MRTFA: variants seen among roughly 807,000 people sequenced by gnomAD.
The protein encoded by MRTFA is myocardin related transcription factor A, also known as myocardin-related transcription factor A.
MRTFA carries 20 observed loss-of-function variants against 83.5 expected under a neutral mutation model. The observed-to-expected ratio is 0.24, with a 90% CI of 0.17 to 0.35. MRTFA has a LOEUF of 0.35. Among genes scored for constraint, MRTFA ranks in the 10% least tolerant of loss-of-function variants. The pLI is 1.00. For synonymous variants in MRTFA, 659 were observed against 541.2 expected (o/e 1.22, Z -3.02); for missense variants, 1,200 against 1,224.7 (o/e 0.98, Z 0.30).
intron 1 of MRTFA, among the ~76,000 whole-genome samples, chr22:40,633,400 C>T (rs1181529518): frequency 6.6e-6 from 1 of 152,124 alleles, no homozygotes; most frequent in Non-Finnish European, 1.5e-5. Context: ...AGTGTTTTCT[C>T]GAAATATAAT....
chr22:40,554,597 A>G (rs563064475), intron 2 of MRTFA, among the ~76,000 whole-genome samples: 3 of 152,286 alleles, frequency 2.0e-5, no homozygotes, highest in South Asian at 4.1e-4. Flanking sequence ...TGGAACTGTG[A>G]GTCAATTAAA....
At chr22:40,621,182 TAAAA>T (rs764914497) in intron 1 of MRTFA, among the ~76,000 whole-genome samples, 1 of 132,978 alleles carries the variant, frequency 7.5e-6, no homozygotes, top group Non-Finnish European at 1.6e-5. Flanking sequence ...ACTCTGTCTT[TAAAA>T]AAAAAAAAAA....
At chr22:40,535,343 T>G (rs1255155441) in intron 3 of MRTFA, among the ~76,000 whole-genome samples, 1 of 93,750 alleles carries the variant, frequency 1.1e-5, no homozygotes, top group East Asian at 3.0e-4. Context: ...TGTGAGAGGT[T>G]TTTTCTTTTT....
At chr22:40,472,532 T>A (rs904052702) in intron 3 of MRTFA, among the ~76,000 whole-genome samples, 6 of 152,366 alleles carry the variant, frequency 3.9e-5, no homozygotes, top group Non-Finnish European at 2.9e-5. Context: ...TGATCATTTT[T>A]AATATTTTTT....
intron 4 of MRTFA, among the ~76,000 whole-genome samples, chr22:40,462,343 T>C (rs2053729666): frequency 1.3e-5 from 2 of 152,130 alleles, no homozygotes. Context: ...AATGAATGAA[T>C]GAATGAATGA....
At chr22:40,427,477 A>T (rs989231501) in intron 7 of MRTFA, among the ~76,000 whole-genome samples, 10 of 152,170 alleles carry the variant, frequency 6.6e-5, no homozygotes, top group Admixed American at 1.3e-4. Flanking sequence ...CTCATGTTAG[A>T]GGAAACCCTG....
chr22:40,578,285 A>G (rs1037143548), intron 2 of MRTFA, among the ~76,000 whole-genome samples: 6 of 151,706 alleles, frequency 4.0e-5, no homozygotes, highest in Non-Finnish European at 8.8e-5. Context: ...AACACTACTC[A>G]CTCCCACCCA....
intron 5 of MRTFA, among the ~76,000 whole-genome samples, chr22:40,435,248 A>T (rs1179231289): frequency 6.6e-6 from 1 of 152,218 alleles, no homozygotes. Flanking sequence ...CCATATCCTT[A>T]AATGTACAAA....
intron 3 of MRTFA, among the ~76,000 whole-genome samples, chr22:40,496,294 G>C (rs1335006240): frequency 6.6e-6 from 1 of 151,342 alleles, no homozygotes; most frequent in African/African-American, 2.4e-5. Flanking sequence ...CATTCTATAA[G>C]CACTCAGTAA....
intron 1 of MRTFA, among the ~76,000 whole-genome samples, chr22:40,621,279 C>T (rs889621465): frequency 2.0e-4 from 31 of 152,062 alleles, no homozygotes; most frequent in African/African-American, 7.2e-4. Flanking sequence ...TTTACTCTTT[C>T]AGCCGTAAAA....
intron 1 of MRTFA, among the ~76,000 whole-genome samples, chr22:40,622,177 C>T (rs546379050): frequency 6.6e-6 from 1 of 152,220 alleles, no homozygotes; most frequent in East Asian, 1.9e-4. Context: ...TCTTTGCAGG[C>T]ATGATTAAAT....
chr22:40,549,549 C>A (rs192848884), intron 3 of MRTFA, among the ~76,000 whole-genome samples: 34 of 152,206 alleles, frequency 2.2e-4, no homozygotes, highest in African/African-American at 8.2e-4. Context: ...TTCCTTTGAG[C>A]AAGGGGAAGG....
chr22:40,623,574 C>T (rs1026127896), intron 1 of MRTFA, among the ~76,000 whole-genome samples: 3 of 151,398 alleles, frequency 2.0e-5, no homozygotes, highest in East Asian at 3.9e-4. Context: ...CTATACTTCA[C>T]GCCTGGCACT....
chr22:40,607,220 C>T (rs1602488937), intron 1 of MRTFA, among the ~76,000 whole-genome samples: 1 of 152,120 alleles, frequency 6.6e-6, no homozygotes, highest in African/African-American at 2.4e-5. Context: ...AACAGGTACA[C>T]AAGGCCGGGT....
rs748685126 is a variant in MRTFA, at chr22:40,411,263, G to A, written c.*127C>T. ...TTCTCTGTTCTAGCCTCCCAGGGAA[G>A]GGAAAAAGCAGGGGCTGTGATTGTC... is the stretch of plus-strand genomic sequence containing the variant. On this transcript the variant is annotated 3_prime_UTR_variant, in exon 15 of 15. Transcript: ENST00000355630. 9.4e-7 allele frequency: 1 copy of A among 1,061,640 alleles called. No individual in the cohort carries two copies. The highest frequency in any genetic ancestry group is 1.3e-6 in the Non-Finnish European group (1 of 751,278). The allele number at this position is 1,061,640 out of a possible 1,614,324, so 65.8% of individuals were successfully genotyped here. A position where few individuals can be genotyped will look rare whatever the true frequency, so the allele number is the denominator to read the frequency against.
At chr22:40,626,819 C>T (rs568760173) in intron 1 of MRTFA, among the ~76,000 whole-genome samples, 21 of 151,528 alleles carry the variant, frequency 1.4e-4, no homozygotes, top group Non-Finnish European at 2.9e-4. Flanking sequence ...GAGCTACGAT[C>T]GTGCCACTGC....
At chr22:40,610,249 T>C (rs971702273) in intron 1 of MRTFA, among the ~76,000 whole-genome samples, 1 of 152,090 alleles carries the variant, frequency 6.6e-6, no homozygotes, top group Admixed American at 6.6e-5. Flanking sequence ...GGTTTCACCA[T>C]GTTGGGCAGG....
At chr22:40,459,822 C>CAT (rs1284924516) in intron 4 of MRTFA, among the ~76,000 whole-genome samples, 169 of 68,156 alleles carry the variant, frequency 2.5e-3, no homozygotes, top group African/African-American at 6.7e-3. Flanking sequence ...CACACACACA[C>CAT]ATATATACAT....
intron 4 of MRTFA, among the ~76,000 whole-genome samples, chr22:40,452,749 T>A (rs2053517490): frequency 7.0e-6 from 1 of 142,218 alleles, no homozygotes. Context: ...GAGGATTCAG[T>A]GAGCCAAGAT....
Sources: gnomAD v4.1 joint callset for allele counts (sites outside exome capture counted in the v4.1 genomes callset) on GRCh38, gnomAD v4.1.1 for gene constraint, MANE v1.5 for transcripts, NCBI Gene and HGNC (gene_info 2026-07-23, HGNC 2026-07-21) for gene names.